CALN1: variants seen among roughly 807,000 people sequenced by gnomAD.
The protein encoded by CALN1 is calcium-binding protein 8.
Under a neutral mutation model 30.6 loss-of-function variants are expected in CALN1, and 17 were observed. The observed-to-expected ratio is 0.56, with a 90% CI of 0.38 to 0.83. CALN1 has a LOEUF of 0.83. Ranked by LOEUF, CALN1 falls within the 40% of genes least tolerant of loss-of-function variation. CALN1 has a pLI of 0.00. For missense variants in CALN1, 291 were observed against 354.9 expected (o/e 0.82, Z 1.45); for synonymous variants, 156 against 131.4 (o/e 1.19, Z -1.28).
intron 3 of CALN1, among the ~76,000 whole-genome samples, chr7:72,119,411 C>A (rs1808222436): frequency 6.6e-6 from 1 of 152,044 alleles, no homozygotes; most frequent in Non-Finnish European, 1.5e-5. Context: ...CCATATGATT[C>A]ATTAACCTCC....
chr7:72,373,808 A>G (rs1044507538), intron 2 of CALN1, among the ~76,000 whole-genome samples: 2 of 152,256 alleles, frequency 1.3e-5, no homozygotes, highest in African/African-American at 4.8e-5. Context: ...CAAGAAACTC[A>G]CATGAAGACA....
At chr7:72,285,824 A>C (rs1023258614) in intron 2 of CALN1, among the ~76,000 whole-genome samples, 2 of 152,220 alleles carry the variant, frequency 1.3e-5, no homozygotes, top group Non-Finnish European at 2.9e-5. Context: ...TGAGCTCTCT[A>C]TAGAGTGCTA....
chr7:71,839,703 T>C (rs1435515987), intron 5 of CALN1, among the ~76,000 whole-genome samples: 1 of 152,126 alleles, frequency 6.6e-6, no homozygotes, highest in Non-Finnish European at 1.5e-5. Context: ...CTCCATGGCC[T>C]CTCCAAATGG....
intron 4 of CALN1, among the ~76,000 whole-genome samples, chr7:72,050,078 CA>C (rs1802742008): frequency 6.6e-6 from 1 of 152,026 alleles, no homozygotes; most frequent in South Asian, 2.1e-4. Flanking sequence ...CTCGGCCTCC[CA>C]AAGTGCTGGG....
At chr7:72,074,864 A>T (rs1419353675) in intron 4 of CALN1, among the ~76,000 whole-genome samples, 1 of 152,256 alleles carries the variant, frequency 6.6e-6, no homozygotes, top group East Asian at 1.9e-4. Context: ...CTGGGGAACC[A>T]AACATAAATC....
intron 4 of CALN1, among the ~76,000 whole-genome samples, chr7:72,060,272 C>T (rs192244972): frequency 1.3e-5 from 2 of 152,256 alleles, no homozygotes; most frequent in Admixed American, 6.5e-5. Flanking sequence ...ACCATTGTCT[C>T]GAGTAGGAAC....
rs371448406 is a variant in CALN1 at position 71,817,578 on chromosome 7, T to C, written c.502-7086A>G. 3.7e-3 allele frequency among the ~76,000 whole-genome samples: 561 copies of C among 152,302 alleles called. 4 individuals are homozygous for C. Among genetic ancestry groups the C allele is most frequent in the African/African-American group, 0.013 (522 of 41,568 alleles). ...TCGCCCAGGCTGGAGTGCAGTGGTG[T>C]GATCTCAGCTCACTACAATCTCTGC... is the stretch of plus-strand genomic sequence containing the variant. On this transcript the variant is annotated intron_variant, in intron 5 of 6. Coordinates refer to ENST00000395275, the MANE Select transcript of CALN1 (RefSeq NM_031468.4).
chr7:72,054,406 T>C (rs534714967), intron 4 of CALN1, among the ~76,000 whole-genome samples: 1 of 37,428 alleles, frequency 2.7e-5, no homozygotes, highest in Admixed American at 3.3e-4. Flanking sequence ...TATGTACATA[T>C]ATATATATAT....
chr7:71,987,539 G>A (rs773970545), intron 5 of CALN1, among the ~76,000 whole-genome samples: 18 of 152,262 alleles, frequency 1.2e-4, no homozygotes, highest in African/African-American at 1.9e-4. Context: ...GTGGAGGTGC[G>A]AGGACATGTG....
At position 72,054,413 on chromosome 7, in the gene CALN1, A is replaced by ATG. The variant is rs1563015175; in HGVS notation, c.389-30645_389-30644insCA. On this transcript the variant is annotated intron_variant, in intron 4 of 6. Coordinates refer to ENST00000395275, the MANE Select transcript of CALN1 (RefSeq NM_031468.4). ...GCTGCATATATGTACATATATATAT[A>ATG]TATACGTGTATATATACACGTATAT... Among the ~76,000 whole-genome samples the ATG allele has an allele frequency of 2.8e-3, 280 of 101,766 alleles. 12 individuals are homozygous for ATG. The highest frequency in any genetic ancestry group is 0.01 in the East Asian group (4 of 392). The allele number at this position is 101,766 out of a possible 152,430, so 66.8% of individuals were successfully genotyped here.
intron 3 of CALN1, among the ~76,000 whole-genome samples, chr7:72,211,995 T>A (rs573857476): frequency 2.0e-5 from 3 of 152,160 alleles, no homozygotes; most frequent in Admixed American, 6.6e-5. Context: ...TGAATAACCG[T>A]TTTTTATGGC....
intron 3 of CALN1, among the ~76,000 whole-genome samples, chr7:72,119,016 T>C (rs1313829813): frequency 6.6e-6 from 1 of 152,238 alleles, no homozygotes; most frequent in Non-Finnish European, 1.5e-5. Flanking sequence ...AAAAATGATA[T>C]ATATTTTGGA....
rs1461292230 is a variant in CALN1, at chr7:71,801,428, G to GTATGTATGTATCTATCTATC, written c.658+8907_658+8908insGATAGATAGATACATACATA. ...TGTATGTATGTATGTATGTATGTAT[G>GTATGTATGTATCTATCTATC]TATCTATCTATCTATCTATCTATCT... On this transcript the variant is annotated intron_variant, in intron 6 of 6. Coordinates refer to ENST00000395275, the MANE Select transcript of CALN1 (RefSeq NM_031468.4). Among the ~76,000 whole-genome samples the GTATGTATGTATCTATCTATC allele has an allele frequency of 1.2e-3, 108 of 87,720 alleles. 1 individual carries two copies. The highest frequency in any genetic ancestry group is 2.0e-3 in the South Asian group (4 of 2,012). 57.5% of individuals were successfully genotyped at this position (87,720 alleles called of 152,430 possible). A position where few individuals can be genotyped will look rare whatever the true frequency, so the allele number is the denominator to read the frequency against.
intron 2 of CALN1, among the ~76,000 whole-genome samples, chr7:72,290,232 C>T (rs968343239): frequency 1.3e-5 from 2 of 151,678 alleles, no homozygotes; most frequent in Non-Finnish European, 2.9e-5. Context: ...CTGGCTGTTT[C>T]CTTGCCATGT....
At chr7:72,229,864 C>G (rs763958640) in intron 3 of CALN1, among the ~76,000 whole-genome samples, 1 of 151,610 alleles carries the variant, frequency 6.6e-6, no homozygotes, top group Non-Finnish European at 1.5e-5. Context: ...TGACAGGGGC[C>G]GGGCACAGTG....
intron 3 of CALN1, among the ~76,000 whole-genome samples, chr7:72,169,451 C>T (rs1439664909): frequency 6.6e-6 from 1 of 150,970 alleles, no homozygotes; most frequent in Non-Finnish European, 1.5e-5. Context: ...TCCCAAGTAG[C>T]TAGGACTACA....
chr7:72,417,386 G>C (rs954483864), intron 1 of CALN1, among the ~76,000 whole-genome samples: 2 of 152,184 alleles, frequency 1.3e-5, no homozygotes, highest in Non-Finnish European at 2.9e-5. Context: ...CAACCAGTTT[G>C]TGTGGATTTG....
the CALN1 span, among the ~76,000 whole-genome samples, chr7:72,475,445 TGA>T: frequency 6.6e-6 from 1 of 151,864 alleles, no homozygotes; most frequent in Non-Finnish European, 1.5e-5. Context: ...GGCGACAGAG[TGA>T]GACTCTGTCT....
At chr7:72,453,993 A>AAAAAAAATAT in the CALN1 span, among the ~76,000 whole-genome samples, 73 of 148,212 alleles carry the variant, frequency 4.9e-4, no homozygotes, top group African/African-American at 1.7e-3. Context: ...ACAACCAAAA[A>AAAAAAAATAT]ATATATATAT....
Sources: allele counts gnomAD v4.1 joint callset (sites outside exome capture counted in the v4.1 genomes callset), GRCh38; gene constraint gnomAD v4.1.1; transcripts MANE v1.5; gene names NCBI Gene and HGNC (gene_info 2026-07-23, HGNC 2026-07-21).